Variants in SIRPB2 observed in about 807,000 individuals in gnomAD.
SIRPB2 encodes signal-regulatory protein beta-2.
SIRPB2 carries 18 observed loss-of-function variants against 27.1 expected under a neutral mutation model. The ratio of observed to expected loss-of-function variants is 0.66; its 90% CI spans 0.46 to 0.98. SIRPB2 has a LOEUF of 0.98. Ranked by LOEUF, SIRPB2 falls within the 50% of genes least tolerant of loss-of-function variation. The pLI is 0.00. For missense variants in SIRPB2, 420 were observed against 417.4 expected, an observed-to-expected ratio of 1.01 and a Z score of -0.06; for synonymous variants, 150 against 164.6, an observed-to-expected ratio of 0.91 and a Z score of 0.68.
chr20:1,476,871 T>C, intron 4 of SIRPB2: 1 of 1,135,644 alleles, frequency 8.8e-7, no homozygotes, highest in Non-Finnish European at 1.1e-6. Flanking sequence ...ATGTGTGATC[T>C]CCTTGAGTGC....
chr20:1,485,653 C>CACACACACACACACACAGCA (rs1555799540), intron 1 of SIRPB2, among the ~76,000 whole-genome samples: 1 of 147,086 alleles, frequency 6.8e-6, no homozygotes, highest in African/African-American at 2.5e-5. Context: ...CACACACACA[C>CACACACACACACACACAGCA]CACACACACA....
chr20:1,481,142 A>C (rs1431770246), intron 1 of SIRPB2, among the ~76,000 whole-genome samples: 1 of 152,114 alleles, frequency 6.6e-6, no homozygotes, highest in Non-Finnish European at 1.5e-5. Context: ...TGCTGTTATA[A>C]TCTCAATTTT....
In SIRPB2 at chr20:1,476,163, C is replaced by T; in HGVS notation, c.*4G>A. ...CAGAGGGTCCTCACTCTGGGGCTGA[C>T]CCCTCACTCTTGACCCTTGCTCCAT... is the stretch of plus-strand genomic sequence containing the variant. On this transcript the variant is annotated 3_prime_UTR_variant, in exon 5 of 5. Coordinates refer to ENST00000359801, the MANE Select transcript of SIRPB2 (RefSeq NM_001122962.2). The T allele has an allele frequency of 6.2e-7, 1 of 1,612,882 alleles. No individual in the cohort carries two copies. Among genetic ancestry groups the T allele is most frequent in the Non-Finnish European group, 8.5e-7 (1 of 1,179,572 alleles).
rs1347573685 is a variant in SIRPB2 at position 1,474,592 on chromosome 20, A to C, written c.*1575T>G. The C allele has an allele frequency of 2.0e-5, 3 of 149,766 alleles. No homozygotes were observed. The highest frequency in any genetic ancestry group is 4.4e-5 in the Non-Finnish European group (3 of 67,932). The allele number at this position is 149,766 out of a possible 1,614,324, so 9.3% of individuals were successfully genotyped here. A position where few individuals can be genotyped will look rare whatever the true frequency, so the allele number is the denominator to read the frequency against. ...TGAATTGGTTCTTTTTTTTTTTTTG[A>C]GACGGAGTTTTGCTCTTGTTGCCCA... On this transcript the variant is annotated 3_prime_UTR_variant, in exon 5 of 5. Coordinates refer to ENST00000359801, the MANE Select transcript of SIRPB2 (RefSeq NM_001122962.2).
At chr20:1,472,623 C>T (rs1375874711), downstream of SIRPB2, 1 of 152,136 alleles carries the variant, frequency 6.6e-6, no homozygotes, top group Non-Finnish European at 1.5e-5. Context: ...TGCACATATA[C>T]CAATGCATTT....
intron 1 of SIRPB2, among the ~76,000 whole-genome samples, chr20:1,487,291 A>T (rs1438031039): frequency 1.3e-5 from 2 of 152,148 alleles, no homozygotes; most frequent in African/African-American, 4.8e-5. Context: ...CATTGCTAAG[A>T]TAAAAAAAAT....
At chr20:1,472,562 T>C (rs1310509353), downstream of SIRPB2, 1 of 152,226 alleles carries the variant, frequency 6.6e-6, no homozygotes, top group Non-Finnish European at 1.5e-5. Context: ...AATAGCCTAA[T>C]GAAATAATGT....
chr20:1,480,305 C>A (rs533564950), intron 1 of SIRPB2: 14 of 503,378 alleles, frequency 2.8e-5, no homozygotes, highest in South Asian at 2.2e-4. Context: ...GTGTGCTGGG[C>A]CCTGCGTGCA....
At chr20:1,476,924 C>G (rs1386943201) in intron 4 of SIRPB2, 2 of 1,177,102 alleles carry the variant, frequency 1.7e-6, no homozygotes, top group African/African-American at 3.2e-5. Context: ...CTTGTCCCCT[C>G]CCCGCTAGTT....
intron 2 of SIRPB2, 58 bp downstream of exon 2, chr20:1,479,642 T>C: frequency 1.9e-6 from 3 of 1,586,524 alleles, no homozygotes; most frequent in Non-Finnish European, 2.6e-6. Flanking sequence ...TGGATAAAGG[T>C]GACTGTGCAG....
chr20:1,476,164 C>A lies in SIRPB2; in HGVS notation c.*3G>T, dbSNP rs1200912435. On this transcript the variant is annotated 3_prime_UTR_variant, in exon 5 of 5. Transcript: ENST00000359801. ...AGAGGGTCCTCACTCTGGGGCTGAC[C>A]CCTCACTCTTGACCCTTGCTCCATG... 4 of 1,612,704 alleles carry A rather than the reference C, an allele frequency of 2.5e-6. No homozygotes were observed. In the South Asian group the frequency reaches 3.3e-5, roughly 13 times the overall value.
At chr20:1,480,741 T>C (rs2090663412) in intron 1 of SIRPB2, among the ~76,000 whole-genome samples, 2 of 152,140 alleles carry the variant, frequency 1.3e-5, no homozygotes, top group Non-Finnish European at 1.5e-5. Context: ...AGAAATTACA[T>C]TTCTATTGTT....
At chr20:1,472,119 G>C (rs568277136), downstream of SIRPB2, among the ~76,000 whole-genome samples, 1 of 152,224 alleles carries the variant, frequency 6.6e-6, no homozygotes, top group South Asian at 2.1e-4. Context: ...ATAGTGGCCT[G>C]TTGGCCCTTA....
chr20:1,482,840 T>TA (rs1460057308), intron 1 of SIRPB2, among the ~76,000 whole-genome samples: 1 of 152,110 alleles, frequency 6.6e-6, no homozygotes, highest in African/African-American at 2.4e-5. Flanking sequence ...GTATTTTTTT[T>TA]ATCAATTCAT....
chr20:1,479,569 G>A (rs943949165), intron 2 of SIRPB2, 131 bp downstream of exon 2: 3 of 1,373,514 alleles, frequency 2.2e-6, no homozygotes, highest in Non-Finnish European at 2.0e-6. Flanking sequence ...AAATGTGCAT[G>A]TAGAGATACA....
At chr20:1,477,198 GT>G (rs757446947) in intron 4 of SIRPB2, 139 bp downstream of exon 4, 2 of 1,608,862 alleles carry the variant, frequency 1.2e-6, no homozygotes, top group African/African-American at 2.7e-5. Context: ...TAGTTCTGCA[GT>G]TGAGATGAAG....
At chr20:1,489,368 A>G (rs1246581969) in intron 1 of SIRPB2, among the ~76,000 whole-genome samples, 1 of 152,228 alleles carries the variant, frequency 6.6e-6, no homozygotes, top group East Asian at 1.9e-4. Context: ...TTACACTTCA[A>G]TAGAGCTGTT....
chr20:1,478,095 T>C (rs2123012905), intron 3 of SIRPB2, 171 bp downstream of exon 3: 1 of 728,402 alleles, frequency 1.4e-6, no homozygotes, highest in East Asian at 2.7e-5. Flanking sequence ...TGCTGGGCCT[T>C]GAAGGATGAG....
chr20:1,472,499 C>T (rs957555538), downstream of SIRPB2, among the ~76,000 whole-genome samples: 1 of 152,130 alleles, frequency 6.6e-6, no homozygotes, highest in Non-Finnish European at 1.5e-5. Flanking sequence ...GGCTGCCATG[C>T]TCCTTGTCAT....
Sources: allele counts gnomAD v4.1 joint callset (sites outside exome capture counted in the v4.1 genomes callset), GRCh38; gene constraint gnomAD v4.1.1; transcripts MANE v1.5; gene names NCBI Gene and HGNC (gene_info 2026-07-23, HGNC 2026-07-21).